C14orf180: variants seen among roughly 807,000 people sequenced by gnomAD.
C14orf180 encodes the protein chromosome 14 open reading frame 180, also known as nutritionally-regulated adipose and cardiac enriched protein homolog.
A neutral mutation model predicts 13.9 loss-of-function variants in C14orf180; 13 were observed. The observed-to-expected ratio is 0.94, with a 90% CI of 0.61 to 1.49. C14orf180 has a LOEUF of 1.49. Ranked by LOEUF, C14orf180 falls within the 40% of genes most tolerant of loss-of-function variation. The probability of loss-of-function intolerance (pLI) is 0.00; values close to 1 mark genes in which losing one functional copy is unlikely to be tolerated. For synonymous variants in C14orf180, 113 were observed against 106.3 expected (o/e 1.06, Z -0.39); for missense variants, 238 against 232.0 (o/e 1.03, Z -0.17).
chr14:104,580,072 T>C (rs1191277653), intron 1 of C14orf180, 69 bp downstream of exon 1: 2 of 151,980 alleles, frequency 1.3e-5, no homozygotes, highest in South Asian at 2.1e-4. Flanking sequence ...AGCGGAGAGA[T>C]TGCCAAAGGC....
intron 2 of C14orf180, among the ~76,000 whole-genome samples, chr14:104,587,290 G>C (rs895124094): frequency 1.3e-5 from 2 of 152,102 alleles, no homozygotes; most frequent in African/African-American, 2.4e-5. Flanking sequence ...TGGGAGGCTC[G>C]GCCCCAGGGA....
At chr14:104,587,720 C>G in intron 2 of C14orf180, 29 bp from the exon 3 acceptor site, 2 of 1,609,802 alleles carry the variant, frequency 1.2e-6, no homozygotes, top group Non-Finnish European at 1.7e-6. Context: ...GCCGGGGACT[C>G]ACCAGTCTGC....
At chr14:104,585,800 GAC>G (rs1425009317) in intron 1 of C14orf180, among the ~76,000 whole-genome samples, 2 of 152,038 alleles carry the variant, frequency 1.3e-5, no homozygotes, top group Non-Finnish European at 2.9e-5. Flanking sequence ...GAGAGATAGA[GAC>G]ACAGAATCGG....
rs965055176 is a variant in C14orf180, at chr14:104,584,996, G to A, written c.-16-1419G>A. On this transcript the variant is annotated intron_variant, in intron 1 of 4. Transcript: ENST00000557649. Reference sequence around the variant, plus strand: ...TCCCACAGGCCTGCCCTGAACCTCTGAGGCACCCATCCCTTTGGGGGACCC... The same window carrying A: ...TCCCACAGGCCTGCCCTGAACCTCTAAGGCACCCATCCCTTTGGGGGACCC... 3.3e-5 allele frequency among the ~76,000 whole-genome samples: 5 copies of A among 152,308 alleles called. No homozygotes were observed. In the South Asian group the frequency reaches 6.2e-4, roughly 19 times the overall value.
At position 104,579,982 on chromosome 14, in the gene C14orf180, C is replaced by T. The variant is rs566735400; in HGVS notation, c.-38C>T. On this transcript the variant is annotated 5_prime_UTR_variant, in exon 1 of 5. Transcript: ENST00000557649. ...TCCCGAAGAGCCTGTTTCTGTCCCTCGGGGAGCCAGGAGGGAACCAGGTGA... is the reference window on the plus strand; with the variant it reads ...TCCCGAAGAGCCTGTTTCTGTCCCTTGGGGAGCCAGGAGGGAACCAGGTGA... 2.0e-3 allele frequency: 312 copies of T among 152,478 alleles called. 1 individual carries two copies. The highest frequency in any genetic ancestry group is 0.01 in the Middle Eastern group (3 of 294). 9.4% of individuals were successfully genotyped at this position (152,478 alleles called of 1,614,324 possible).
chr14:104,585,971 AT>A (rs1886604951), intron 1 of C14orf180, among the ~76,000 whole-genome samples: 1 of 152,148 alleles, frequency 6.6e-6, no homozygotes, highest in African/African-American at 2.4e-5. Flanking sequence ...AGCCCTGACA[AT>A]TCCCAGTCCC....
chr14:104,581,147 GT>G (rs1381611056), intron 1 of C14orf180: 1 of 152,302 alleles, frequency 6.6e-6, no homozygotes, highest in Non-Finnish European at 1.5e-5. Flanking sequence ...CGTGGTTCCA[GT>G]GGTGAGCGTT....
intron 1 of C14orf180, among the ~76,000 whole-genome samples, chr14:104,582,144 C>A (rs1024711162): frequency 6.6e-6 from 1 of 152,148 alleles, no homozygotes; most frequent in African/African-American, 2.4e-5. Context: ...GGGCTGTGGG[C>A]AAAAGGGCGG....
rs534932777 is a variant in C14orf180, at chr14:104,588,482, C to T, written c.278-96C>T. The T allele has an allele frequency of 6.9e-5, 99 of 1,439,064 alleles. 2 individuals are homozygous for T. In the South Asian group the frequency reaches 1.3e-3, roughly 19 times the overall value. The allele number at this position is 1,439,064 out of a possible 1,614,324, so 89.1% of individuals were successfully genotyped here. On this transcript the variant is annotated intron_variant, in intron 4 of 4. Transcript: ENST00000557649. Reference sequence around the variant, plus strand: ...GCTAGGGAGGGGCCATGGGCATGGACAGGGTGGAATCTCCCCATCCCTTCC... The same window carrying T: ...GCTAGGGAGGGGCCATGGGCATGGATAGGGTGGAATCTCCCCATCCCTTCC...
Position 104,589,222 on chromosome 14 carries a change from T to C in C14orf180, c.*439T>C, listed in dbSNP as rs1886761434. The C allele has an allele frequency of 7.2e-6, 2 of 278,594 alleles. No individual in the cohort carries two copies. The highest frequency in any genetic ancestry group is 4.4e-5 in the African/African-American group (2 of 45,418). The allele number at this position is 278,594 out of a possible 1,614,324, so 17.3% of individuals were successfully genotyped here. On this transcript the variant is annotated 3_prime_UTR_variant, in exon 5 of 5. Coordinates refer to ENST00000557649, the MANE Select transcript of C14orf180 (RefSeq NM_001008404.3). The surrounding 1 kb of genome is among the most constrained non-coding windows in gnomAD (Gnocchi z 4.9). ...CTCGGAGGAGGCAAACCCAGCCTTT[T>C]GCGATTATGGCTTGTGGGGAATCCA...
intron 1 of C14orf180, among the ~76,000 whole-genome samples, chr14:104,580,577 C>T (rs371026455): frequency 2.6e-5 from 4 of 152,208 alleles, no homozygotes; most frequent in African/African-American, 7.2e-5. Context: ...GGCAAGTCTA[C>T]GCAGGCCCAG....
At chr14:104,583,949 A>C (rs1032309674) in intron 1 of C14orf180, among the ~76,000 whole-genome samples, 2 of 152,066 alleles carry the variant, frequency 1.3e-5, no homozygotes, top group Non-Finnish European at 2.9e-5. Context: ...CAGACACCCC[A>C]CACGTGCACA....
rs982692164 is a variant in C14orf180, at chr14:104,588,948, C to A, written c.*165C>A. 7.3e-7 allele frequency: 1 copy of A among 1,371,392 alleles called. No homozygotes were observed. The highest frequency in any genetic ancestry group is 9.4e-7 in the Non-Finnish European group (1 of 1,063,782). 85.0% of individuals were successfully genotyped at this position (1,371,392 alleles called of 1,614,324 possible). ...AAAGGGGGACCCCGTGGCGTGAGATCGGACATGGGGGGCACAGCAGGCGGC... is the reference window on the plus strand; with the variant it reads ...AAAGGGGGACCCCGTGGCGTGAGATAGGACATGGGGGGCACAGCAGGCGGC... On this transcript the variant is annotated 3_prime_UTR_variant, in exon 5 of 5. Transcript: ENST00000557649.
At chr14:104,588,416 T>C in intron 4 of C14orf180, 107 bp downstream of exon 4, 1 of 1,533,944 alleles carries the variant, frequency 6.5e-7, no homozygotes, top group Non-Finnish European at 9.0e-7. Context: ...CTCTAAGGAG[T>C]CCCCAGTTGG....
chr14:104,580,369 A>G (rs1886395554), intron 1 of C14orf180, among the ~76,000 whole-genome samples: 1 of 152,200 alleles, frequency 6.6e-6, no homozygotes, highest in Admixed American at 6.5e-5. Flanking sequence ...TGGGGGAAGC[A>G]GGGAACACGG....
intron 1 of C14orf180, among the ~76,000 whole-genome samples, chr14:104,582,745 G>A (rs990500495): frequency 6.6e-6 from 1 of 152,198 alleles, no homozygotes; most frequent in African/African-American, 2.4e-5. Context: ...CCAGAGTGGG[G>A]GTAGAGTCCC....
chr14:104,587,627 C>A, intron 2 of C14orf180, 122 bp from the exon 3 acceptor site: 3 of 1,009,020 alleles, frequency 3.0e-6, no homozygotes, highest in Non-Finnish European at 4.3e-6. Context: ...CCCAGCATAG[C>A]GCACCAGCCA....
At chr14:104,585,521 C>T (rs1242856579) in intron 1 of C14orf180, among the ~76,000 whole-genome samples, 1 of 152,244 alleles carries the variant, frequency 6.6e-6, no homozygotes, top group African/African-American at 2.4e-5. Context: ...AGAGCACAGC[C>T]TCTGCCGCCA....
rs1886382465 is a variant in C14orf180 at position 104,579,912 on chromosome 14, G to C, written c.-108G>C. On this transcript the variant is annotated 5_prime_UTR_variant, in exon 1 of 5. Transcript: ENST00000557649. Reference sequence around the variant, plus strand: ...CAAGGGCCTGGGAGGGGTGCTGCCGGCCAAGAGGGTCCAGGACCTCACTGG... The same window carrying C: ...CAAGGGCCTGGGAGGGGTGCTGCCGCCCAAGAGGGTCCAGGACCTCACTGG... The C allele has an allele frequency of 6.6e-6, 1 of 152,492 alleles. No homozygotes were observed. Among genetic ancestry groups the C allele is most frequent in the Non-Finnish European group, 1.5e-5 (1 of 68,260 alleles). The allele number at this position is 152,492 out of a possible 1,614,324, so 9.4% of individuals were successfully genotyped here. A position where few individuals can be genotyped will look rare whatever the true frequency, so the allele number is the denominator to read the frequency against.
Sources: allele counts gnomAD v4.1 joint callset (sites outside exome capture counted in the v4.1 genomes callset), GRCh38; gene constraint gnomAD v4.1.1; non-coding constraint Gnocchi (gnomAD v3.1); transcripts MANE v1.5; gene names NCBI Gene and HGNC (gene_info 2026-07-23, HGNC 2026-07-21).